Variants in SMOC2 observed in about 807,000 individuals in gnomAD.
SMOC2 encodes the protein SPARC related modular calcium binding 2.
Under a neutral mutation model 61.4 loss-of-function variants are expected in SMOC2, and 39 were observed. The ratio of observed to expected loss-of-function variants is 0.64; its 90% CI spans 0.49 to 0.83. The LOEUF (loss-of-function observed/expected upper bound fraction) is 0.83. Among genes scored for constraint, SMOC2 ranks in the 40% least tolerant of loss-of-function variants. The pLI is 0.00. For synonymous variants in SMOC2, 247 were observed against 239.9 expected (o/e 1.03, Z -0.27); for missense variants, 556 against 592.9 (o/e 0.94, Z 0.65).
intron 11 of SMOC2, among the ~76,000 whole-genome samples, chr6:168,658,259 T>A (rs1341408811): frequency 1.3e-5 from 2 of 152,210 alleles, no homozygotes; most frequent in East Asian, 3.8e-4. Flanking sequence ...CTGCATGTGA[T>A]GAGTGACACC....
chr6:168,513,929 C>G (rs1020385469), intron 2 of SMOC2, among the ~76,000 whole-genome samples: 16 of 152,196 alleles, frequency 1.1e-4, no homozygotes, highest in Admixed American at 6.5e-4. Flanking sequence ...CTCCCAACGC[C>G]CGGCCTGTCT....
intron 1 of SMOC2, among the ~76,000 whole-genome samples, chr6:168,460,615 G>T (rs1285286296): frequency 6.6e-6 from 1 of 152,152 alleles, no homozygotes; most frequent in Admixed American, 6.5e-5. Context: ...TCAGGAACCC[G>T]GTGTGGGGCC....
intron 1 of SMOC2, among the ~76,000 whole-genome samples, chr6:168,506,755 T>A (rs937377311): frequency 2.6e-5 from 4 of 152,246 alleles, no homozygotes; most frequent in Non-Finnish European, 5.9e-5. Flanking sequence ...TGGGGTTTTT[T>A]AATAAAGTCA....
intron 7 of SMOC2, among the ~76,000 whole-genome samples, chr6:168,560,554 A>ATGTGAGGCTCT (rs1784389195): frequency 7.1e-6 from 1 of 140,962 alleles, no homozygotes; most frequent in Non-Finnish European, 1.6e-5. Context: ...CTGCCCTGAG[A>ATGTGAGGCTCT]CACGAGGCTC....
chr6:168,455,710 T>C (rs1781567416), intron 1 of SMOC2, among the ~76,000 whole-genome samples: 1 of 152,152 alleles, frequency 6.6e-6, no homozygotes, highest in African/African-American at 2.4e-5. Flanking sequence ...AGAAAGGACA[T>C]AGAATGAGCC....
chr6:168,493,493 T>C (rs1478040922), intron 1 of SMOC2, among the ~76,000 whole-genome samples: 1 of 152,222 alleles, frequency 6.6e-6, no homozygotes, highest in Non-Finnish European at 1.5e-5. Context: ...GAATGATGTA[T>C]GGATGGCAAA....
chr6:168,609,463 G>A (rs182565251), intron 9 of SMOC2, among the ~76,000 whole-genome samples: 1 of 152,124 alleles, frequency 6.6e-6, no homozygotes, highest in Non-Finnish European at 1.5e-5. Context: ...AAGAGATCAC[G>A]ATGGTGCAAA....
At chr6:168,482,827 A>G (rs1583047715) in intron 1 of SMOC2, among the ~76,000 whole-genome samples, 1 of 152,126 alleles carries the variant, frequency 6.6e-6, no homozygotes, top group Admixed American at 6.5e-5. Context: ...AGATGAAGAA[A>G]GCTTTTGAGA....
intron 9 of SMOC2, among the ~76,000 whole-genome samples, chr6:168,611,285 TCGGGCC>T: frequency 2.0e-5 from 2 of 101,180 alleles, no homozygotes; most frequent in African/African-American, 3.9e-5. Flanking sequence ...GGCTCCCGTG[TCGGGCC>T]TGGCTGTGGC....
At chr6:168,653,356 T>G (rs985404458) in intron 11 of SMOC2, 128 bp downstream of exon 11, 30 of 1,110,378 alleles carry the variant, frequency 2.7e-5, no homozygotes, top group Admixed American at 1.8e-4. Flanking sequence ...ATATGCTGTT[T>G]AATTGTTGGG....
chr6:168,532,533 T>G (rs931559460), intron 4 of SMOC2, among the ~76,000 whole-genome samples: 8 of 148,642 alleles, frequency 5.4e-5, no homozygotes, highest in African/African-American at 2.0e-4. Context: ...TTGCAACCCA[T>G]TCTCCAGTAT....
intron 9 of SMOC2, among the ~76,000 whole-genome samples, chr6:168,618,825 C>T (rs552783159): frequency 1.6e-4 from 24 of 152,252 alleles, no homozygotes; most frequent in East Asian, 3.9e-4. Flanking sequence ...AGCAGGCACA[C>T]GGGCATCCGG....
intron 9 of SMOC2, among the ~76,000 whole-genome samples, chr6:168,626,972 A>T (rs961311608): frequency 6.6e-6 from 1 of 152,126 alleles, no homozygotes; most frequent in Non-Finnish European, 1.5e-5. Flanking sequence ...TGATTATAGG[A>T]GTCTTAGTTT....
At chr6:168,447,283 C>G (rs1345563756) in intron 1 of SMOC2, among the ~76,000 whole-genome samples, 1 of 152,090 alleles carries the variant, frequency 6.6e-6, no homozygotes, top group Non-Finnish European at 1.5e-5. Context: ...GCTGTCCAGG[C>G]TGGTCTCGAA....
chr6:168,458,271 GC>G, intron 1 of SMOC2, among the ~76,000 whole-genome samples: 1 of 151,940 alleles, frequency 6.6e-6, no homozygotes, highest in Non-Finnish European at 1.5e-5. Flanking sequence ...CGTGCTGCCT[GC>G]CCTGGGGGTC....
intron 1 of SMOC2, among the ~76,000 whole-genome samples, chr6:168,493,212 C>T (rs1423807685): frequency 1.3e-5 from 2 of 151,954 alleles, no homozygotes; most frequent in African/African-American, 4.8e-5. Flanking sequence ...AATTTTTGTA[C>T]TTTTAGTAGA....
chr6:168,602,930 A>G (rs1785589693), intron 8 of SMOC2, among the ~76,000 whole-genome samples: 1 of 152,028 alleles, frequency 6.6e-6, no homozygotes, highest in Non-Finnish European at 1.5e-5. Context: ...ATGGGGAGTG[A>G]CAGGGTTTGG....
chr6:168,574,348 A>G (rs1386947042), intron 7 of SMOC2, among the ~76,000 whole-genome samples: 1 of 152,214 alleles, frequency 6.6e-6, no homozygotes, highest in Non-Finnish European at 1.5e-5. Context: ...GGGCTGAGGC[A>G]GCAGGCCGGG....
chr6:168,471,108 G>A (rs1463021968), intron 1 of SMOC2, among the ~76,000 whole-genome samples: 2 of 152,058 alleles, frequency 1.3e-5, no homozygotes, highest in South Asian at 2.1e-4. Context: ...TTTAAAAATC[G>A]TAAGCATTTT....
Sources: allele counts gnomAD v4.1 joint callset (sites outside exome capture counted in the v4.1 genomes callset), GRCh38; gene constraint gnomAD v4.1.1; transcripts MANE v1.5; gene names NCBI Gene and HGNC (gene_info 2026-07-23, HGNC 2026-07-21).